HEATR6: variants seen among roughly 807,000 people sequenced by gnomAD.
The protein encoded by HEATR6 is HEAT repeat containing 6.
Under a neutral mutation model 132.8 loss-of-function variants are expected in HEATR6, and 106 were observed. That is an observed-to-expected ratio of 0.80 (90% CI 0.68 to 0.94). HEATR6 has a LOEUF of 0.94. Among genes scored for constraint, HEATR6 ranks in the 40% least tolerant of loss-of-function variants. The probability of loss-of-function intolerance (pLI) is 0.00; values close to 1 mark genes in which losing one functional copy is unlikely to be tolerated. For synonymous variants in HEATR6, 529 were observed against 537.8 expected, an observed-to-expected ratio of 0.98 and a Z score of 0.23; for missense variants, 1,339 against 1,425.1, an observed-to-expected ratio of 0.94 and a Z score of 0.97.
At chr17:60,047,476 T>C (rs1471402163) in intron 17 of HEATR6, 71 bp from the exon 18 acceptor site, 9 of 817,446 alleles carry the variant, frequency 1.1e-5, no homozygotes, top group Non-Finnish European at 1.7e-5. Context: ...TAGAAATATA[T>C]TCAATTAGTA....
Position 60,057,406 on chromosome 17 carries a change from G to C in HEATR6, c.1724-3C>G. The C allele has an allele frequency of 6.4e-7, 1 of 1,563,164 alleles. No homozygotes were observed. Among genetic ancestry groups the C allele is most frequent in the Non-Finnish European group, 8.7e-7 (1 of 1,147,126 alleles). On this transcript the variant is annotated splice_region_variant and splice_polypyrimidine_tract_variant and intron_variant, in intron 11 of 19. Transcript: ENST00000184956. The stretch of plus-strand genomic sequence containing the variant: ...ACTTGACACACGAACATTAACATCT[G>C]TCAAAGGAAGCAGTAAGAACTTATC...
chr17:60,048,984 A>ACG (rs1568608344), intron 16 of HEATR6, among the ~76,000 whole-genome samples: 187 of 5,684 alleles, frequency 0.033, 3 homozygotes, highest in African/African-American at 0.26. Flanking sequence ...TATATATATA[A>ACG]TATATATATA....
intron 5 of HEATR6, among the ~76,000 whole-genome samples, chr17:60,071,997 C>T (rs1294688854): frequency 1.3e-5 from 2 of 152,154 alleles, no homozygotes; most frequent in African/African-American, 4.8e-5. Context: ...GAATAGTTTC[C>T]TCTAAAAATC....
chr17:60,072,694 C>T (rs964469863), intron 4 of HEATR6, among the ~76,000 whole-genome samples: 4 of 152,190 alleles, frequency 2.6e-5, no homozygotes, highest in South Asian at 4.1e-4. Context: ...ACTCGCTGGA[C>T]AGCACTGTGC....
At chr17:60,074,176 A>C in intron 2 of HEATR6, 2 of 1,094,274 alleles carry the variant, frequency 1.8e-6, no homozygotes, top group Non-Finnish European at 2.2e-6. Context: ...ATACACAGAT[A>C]TGAGTATTTC....
At position 60,046,194 on chromosome 17, in the gene HEATR6, C is replaced by A; in HGVS notation, c.2805G>T (p.Leu935Phe). 6.2e-7 allele frequency: 1 copy of A among 1,613,784 alleles called. No individual in the cohort carries two copies. The highest frequency in any genetic ancestry group is 1.1e-5 in the South Asian group (1 of 91,056). ...KSNAVRALGN[L>F]LHFLQPSHIE... ...TATGAGAGGGTTGCAGAAAATGAAG[C>A]AAATTTCCAAGGGCCCGGACTGCAT... The change falls in exon 19 of 20, where the codon TTG (leucine) becomes TTT (phenylalanine). Residue 935 changes from leucine (L) to phenylalanine (F), a missense_variant. Coordinates refer to ENST00000184956, the MANE Select transcript of HEATR6 (RefSeq NM_022070.5).
intron 9 of HEATR6, among the ~76,000 whole-genome samples, chr17:60,060,436 C>G (rs1256296143): frequency 6.6e-6 from 1 of 151,984 alleles, no homozygotes; most frequent in Non-Finnish European, 1.5e-5. Flanking sequence ...TGCCACCACA[C>G]CTGGCTAAAA....
chr17:60,050,236 G>T (rs181738136), intron 15 of HEATR6, among the ~76,000 whole-genome samples: 3 of 152,080 alleles, frequency 2.0e-5, no homozygotes, highest in African/African-American at 7.2e-5. Flanking sequence ...CAGCTCACAT[G>T]GTGCCATCTG....
chr17:60,056,006 C>T, intron 13 of HEATR6, 109 bp downstream of exon 13: 1 of 1,243,148 alleles, frequency 8.0e-7, no homozygotes. Context: ...AATTGAAGGA[C>T]ATGTGGCAGA....
intron 2 of HEATR6, among the ~76,000 whole-genome samples, chr17:60,075,444 T>TA (rs1280450992): frequency 6.6e-6 from 1 of 152,204 alleles, no homozygotes; most frequent in African/African-American, 2.4e-5. Flanking sequence ...TGCTAGTTGA[T>TA]ATGTTTTGTG....
rs771132703 is a variant in HEATR6, at chr17:60,043,983, G to A, written c.3126C>T (p.Ile1042=). 4.3e-6 allele frequency: 7 copies of A among 1,613,954 alleles called. No individual in the cohort carries two copies. In the African/African-American group the frequency reaches 9.3e-5, roughly 22 times the overall value. The change falls in exon 20 of 20, where the codon ATC becomes ATT. Residue 1042 remains isoleucine (I), a synonymous_variant. Transcript: ENST00000184956. The stretch of plus-strand genomic sequence containing the variant: ...GTAAAGCGGTGACCAATGCATTCCA[G>A]ATCCGAGCATACTGGTCAACAGACC... ...QYGSVDQYAR[I]WNALVTALQK... is the part of the protein sequence containing the mutation.
At chr17:60,074,114 G>A in intron 2 of HEATR6, 6 of 1,242,846 alleles carry the variant, frequency 4.8e-6, no homozygotes, top group Non-Finnish European at 5.0e-6. Context: ...AGTAGAACTT[G>A]ATGAAGTCCT....
chr17:60,048,982 TA>T (rs201033129), intron 16 of HEATR6, among the ~76,000 whole-genome samples: 1,860 of 53,060 alleles, frequency 0.035, 103 homozygotes, highest in African/African-American at 0.28. Flanking sequence ...CATATATATA[TA>T]ATATATATAT....
At chr17:60,074,941 G>A (rs552439455) in intron 2 of HEATR6, among the ~76,000 whole-genome samples, 4 of 152,280 alleles carry the variant, frequency 2.6e-5, no homozygotes, top group African/African-American at 9.6e-5. Context: ...AGCATCAAGG[G>A]AGCTTAAGTC....
At chr17:60,058,836 G>T (rs770112946) in intron 11 of HEATR6, among the ~76,000 whole-genome samples, 8 of 152,074 alleles carry the variant, frequency 5.3e-5, no homozygotes, top group Admixed American at 1.3e-4. Flanking sequence ...ATCAGAATGT[G>T]GTCCGATCTG....
At chr17:60,053,809 C>G (rs936330703) in intron 14 of HEATR6, among the ~76,000 whole-genome samples, 1 of 152,206 alleles carries the variant, frequency 6.6e-6, no homozygotes, top group Non-Finnish European at 1.5e-5. Context: ...GATGTGGCAG[C>G]TTCTCACAAC....
intron 15 of HEATR6, among the ~76,000 whole-genome samples, chr17:60,049,951 A>G (rs1156620249): frequency 6.6e-6 from 1 of 152,222 alleles, no homozygotes; most frequent in Non-Finnish European, 1.5e-5. Flanking sequence ...TTCTTTATAG[A>G]AGCTCATTTA....
intron 7 of HEATR6, among the ~76,000 whole-genome samples, chr17:60,069,231 A>G (rs897053292): frequency 1.3e-5 from 2 of 152,236 alleles, no homozygotes; most frequent in African/African-American, 2.4e-5. Context: ...GGGTTGGCAA[A>G]TTATGGCCCA....
chr17:60,069,989 A>G (rs2083262826), intron 6 of HEATR6, 141 bp from the exon 7 acceptor site: 3 of 1,003,086 alleles, frequency 3.0e-6, no homozygotes, highest in Non-Finnish European at 4.2e-6. Flanking sequence ...CTACTAAGGA[A>G]ATATAAATGA....
Sources: gnomAD v4.1 joint callset for allele counts (sites outside exome capture counted in the v4.1 genomes callset) on GRCh38, gnomAD v4.1.1 for gene constraint, MANE v1.5 for transcripts, NCBI Gene and HGNC (gene_info 2026-07-23, HGNC 2026-07-21) for gene names.